Variants in ADPRH observed in about 807,000 individuals in gnomAD.
The protein encoded by ADPRH is ADP-ribose-L-arginine cleaving enzyme.
In ADPRH, 27 loss-of-function variants were observed where a neutral mutation model predicts 28.8. The ratio of observed to expected loss-of-function variants is 0.94; its 90% CI spans 0.69 to 1.29. ADPRH has a LOEUF of 1.29. Ranked by LOEUF, ADPRH falls within the 50% of genes most tolerant of loss-of-function variation. The pLI is 0.00. For missense variants in ADPRH, 419 were observed against 444.8 expected (o/e 0.94, Z 0.52); for synonymous variants, 161 against 166.9 (o/e 0.96, Z 0.27).
rs201509638 is a variant in ADPRH at position 119,586,507 on chromosome 3, C to G, written c.521C>G (p.Ala174Gly). The part of the protein sequence containing the change: ...HHPTGYLGAL[A>G]SALFTAYAVN... ...CCAACAGGCTACCTGGGGGCCCTTG[C>G]GTCTGCTCTTTTTACAGCCTATGCT... Residue 174 changes from alanine to glycine, a missense_variant, in exon 4 of 5, where the codon GCG (alanine) becomes GGG (glycine). Ala to Gly is a moderately conservative substitution (Grantham distance 60). Transcript: ENST00000357003. 6.2e-7 allele frequency: 1 copy of G among 1,614,234 alleles called. No homozygotes were observed. Among genetic ancestry groups the G allele is most frequent in the East Asian group, 2.2e-5 (1 of 44,892 alleles).
chr3:119,586,193 AAATACTTGGAGACAGAGTTTAGTT>A, intron 3 of ADPRH, 68 bp from the exon 4 acceptor site: 1 of 1,559,648 alleles, frequency 6.4e-7, no homozygotes, highest in Non-Finnish European at 8.7e-7. Flanking sequence ...TTTCCATCAA[AAATACTTGGAGACAGAGTTTAGTT>A]ATTTATTCCT....
chr3:119,582,240 G>A lies in ADPRH; in HGVS notation c.71G>A (p.Trp24Ter). 1 of 1,614,220 alleles carries A rather than the reference G, an allele frequency of 6.2e-7. No individual in the cohort carries two copies. Among genetic ancestry groups the A allele is most frequent in the Non-Finnish European group, 8.5e-7 (1 of 1,180,026 alleles). ...GDALGYYNGK[W>*]EFLQDGEKIH... Reference sequence around the variant, plus strand: ...GCCCTGGGGTACTACAATGGGAAGTGGGAGTTCCTCCAGGATGGGGAGAAG... The same window carrying A: ...GCCCTGGGGTACTACAATGGGAAGTAGGAGTTCCTCCAGGATGGGGAGAAG... Residue 24 changes from tryptophan (W) to a stop codon, truncating the protein, a stop_gained, in exon 3 of 5, where the codon TGG becomes TAG. Transcript: ENST00000357003. LOFTEE classifies it high-confidence loss of function.
intron 2 of ADPRH, among the ~76,000 whole-genome samples, chr3:119,581,611 C>T (rs2082405377): frequency 6.6e-6 from 1 of 152,164 alleles, no homozygotes; most frequent in African/African-American, 2.4e-5. Context: ...CCTTCATTTT[C>T]TTATCTGTGA....
rs777008951 is a variant in ADPRH at position 119,586,499 on chromosome 3, G to A, written c.513G>A (p.Gly171=). 1 of 1,614,216 alleles carries A rather than the reference G, an allele frequency of 6.2e-7. No homozygotes were observed. The highest frequency in any genetic ancestry group is 1.1e-5 in the South Asian group (1 of 91,082). ...MTHHHPTGYL[G]ALASALFTAY... The stretch of plus-strand genomic sequence containing the variant: ...ACCACCACCCAACAGGCTACCTGGG[G>A]GCCCTTGCGTCTGCTCTTTTTACAG... The change falls in exon 4 of 5, where the codon GGG becomes GGA. Residue 171 remains glycine, a synonymous_variant. Coordinates refer to ENST00000357003, the MANE Select transcript of ADPRH (RefSeq NM_001125.4).
intron 4 of ADPRH, among the ~76,000 whole-genome samples, chr3:119,586,943 C>T (rs1049418956): frequency 1.3e-5 from 2 of 152,226 alleles, no homozygotes; most frequent in African/African-American, 4.8e-5. Flanking sequence ...TCCTACTTTC[C>T]TGGAATTTGC....
rs777543340 is a variant in ADPRH at position 119,582,354 on chromosome 3, C to T, written c.185C>T (p.Ala62Val). Reference protein sequence around the residue: ...RVSDDTVMHLATAEALVEAGK... With the variant: ...RVSDDTVMHLVTAEALVEAGK... The stretch of plus-strand genomic sequence containing the variant: ...AGTGACGACACAGTGATGCACTTGG[C>T]CACAGCAGAAGCTCTTGTGGAAGCT... Residue 62 changes from alanine (A) to valine (V), a missense_variant, in exon 3 of 5, where the codon GCC (alanine) becomes GTC (valine). Transcript: ENST00000357003. 6.2e-7 allele frequency: 1 copy of T among 1,614,178 alleles called. No individual in the cohort carries two copies. The highest frequency in any genetic ancestry group is 1.1e-5 in the South Asian group (1 of 91,082).
At chr3:119,584,448 A>G (rs2082439407) in intron 3 of ADPRH, among the ~76,000 whole-genome samples, 1 of 152,104 alleles carries the variant, frequency 6.6e-6, no homozygotes, top group Admixed American at 6.5e-5. Flanking sequence ...CTGTAATCCC[A>G]GCTACCCAGG....
rs762491673 is a variant in ADPRH, at chr3:119,582,207, C to T, written c.38C>T (p.Ala13Val). The T allele has an allele frequency of 1.9e-6, 3 of 1,613,292 alleles. No homozygotes were observed. Among genetic ancestry groups the T allele is most frequent in the Admixed American group, 3.3e-5 (2 of 60,008 alleles). ...GTGGCTGCTATGGTGCTGAGTGCAG[C>T]TGGAGATGCCCTGGGGTACTACAAT... is the stretch of plus-strand genomic sequence containing the variant. ...KYVAAMVLSA[A>V]GDALGYYNGK... Residue 13 changes from alanine to valine, a missense_variant, in exon 3 of 5, where the codon GCT (alanine) becomes GTT (valine). Ala to Val is a moderately conservative substitution (Grantham distance 64, BLOSUM62 0). Transcript: ENST00000357003.
intron 4 of ADPRH, 65 bp downstream of exon 4, chr3:119,586,710 C>CAT (rs1553787775): frequency 6.3e-7 from 1 of 1,580,744 alleles, no homozygotes. Context: ...TCCACCTGCA[C>CAT]ATATATGTCT....
intron 3 of ADPRH, among the ~76,000 whole-genome samples, chr3:119,583,773 TA>T (rs1206336714): frequency 1.3e-5 from 2 of 151,604 alleles, no homozygotes; most frequent in Admixed American, 6.6e-5. Flanking sequence ...AGTGGCCAGT[TA>T]AAAAAAAATT....
intron 3 of ADPRH, among the ~76,000 whole-genome samples, chr3:119,583,935 G>A (rs1417929017): frequency 1.3e-5 from 2 of 151,872 alleles, no homozygotes; most frequent in African/African-American, 4.8e-5. Context: ...GCACCACCAC[G>A]TCTGGCTAAT....
In ADPRH at chr3:119,582,241, G is replaced by A. The variant is rs2082411556; in HGVS notation, c.72G>A (p.Trp24Ter). 1 of 1,614,076 alleles carries A rather than the reference G, an allele frequency of 6.2e-7. No individual in the cohort carries two copies. Among genetic ancestry groups the A allele is most frequent in the African/African-American group, 1.3e-5 (1 of 74,920 alleles). The change falls in exon 3 of 5, where the codon TGG (tryptophan) becomes TGA (stop). Residue 24 changes from tryptophan (W) to a stop codon, truncating the protein, a stop_gained. Transcript: ENST00000357003. LOFTEE classifies it high-confidence loss of function. Reference sequence around the variant, plus strand: ...CCCTGGGGTACTACAATGGGAAGTGGGAGTTCCTCCAGGATGGGGAGAAGA... The same window carrying A: ...CCCTGGGGTACTACAATGGGAAGTGAGAGTTCCTCCAGGATGGGGAGAAGA... ...GDALGYYNGK[W>*]EFLQDGEKIH...
chr3:119,580,899 C>G (rs527529470), intron 2 of ADPRH, among the ~76,000 whole-genome samples: 2 of 152,142 alleles, frequency 1.3e-5, no homozygotes, highest in South Asian at 4.2e-4. Flanking sequence ...TCTCTAGAAG[C>G]TGATCATTTC....
Position 119,587,462 on chromosome 3 carries a change from A to T in ADPRH, c.660-2A>T. Reference sequence around the variant, plus strand: ...TGACTCTAGATTTTTTCCTTTCTACAGGTCCTACTTCCAAACCAAATGGGA... The same window carrying T: ...TGACTCTAGATTTTTTCCTTTCTACTGGTCCTACTTCCAAACCAAATGGGA... On this transcript the variant is annotated splice_acceptor_variant, in intron 4 of 4. Transcript: ENST00000357003. LOFTEE classifies it high-confidence loss of function. 1 of 1,516,710 alleles carries T rather than the reference A, an allele frequency of 6.6e-7. No homozygotes were observed. The highest frequency in any genetic ancestry group is 8.8e-7 in the Non-Finnish European group (1 of 1,132,684). 94.0% of individuals were successfully genotyped at this position (1,516,710 alleles called of 1,614,324 possible).
intron 3 of ADPRH, among the ~76,000 whole-genome samples, chr3:119,584,805 A>G (rs1401362047): frequency 6.6e-6 from 1 of 152,176 alleles, no homozygotes; most frequent in Non-Finnish European, 1.5e-5. Flanking sequence ...AATCCAAGTC[A>G]AGATATTGAC....
intron 3 of ADPRH, among the ~76,000 whole-genome samples, chr3:119,585,848 C>T (rs867105864): frequency 1.3e-5 from 2 of 152,304 alleles, no homozygotes; most frequent in African/African-American, 2.4e-5. Flanking sequence ...TGCTCCCGGC[C>T]TAATTGTAAG....
intron 3 of ADPRH, among the ~76,000 whole-genome samples, chr3:119,583,312 C>T (rs2082425015): frequency 6.6e-6 from 1 of 152,080 alleles, no homozygotes; most frequent in African/African-American, 2.4e-5. Flanking sequence ...TAAAATTATT[C>T]AGGGTGACTC....
Position 119,589,858 on chromosome 3 carries a change from G to A in ADPRH, c.*1980G>A, listed in dbSNP as rs1315200923. The A allele has an allele frequency of 6.6e-6, 1 of 152,190 alleles. No individual in the cohort carries two copies. Among genetic ancestry groups the A allele is most frequent in the East Asian group, 1.9e-4 (1 of 5,192 alleles). 9.4% of individuals were successfully genotyped at this position (152,190 alleles called of 1,614,324 possible). Reference sequence around the variant, plus strand: ...TCAGAGAAAGAGAGAGAGAGAGAGAGAAGGGAGGATGAGAACGAATGGGGG... The same window carrying A: ...TCAGAGAAAGAGAGAGAGAGAGAGAAAAGGGAGGATGAGAACGAATGGGGG... On this transcript the variant is annotated 3_prime_UTR_variant, in exon 5 of 5. Transcript: ENST00000357003.
rs146666846 is a variant in ADPRH, at chr3:119,579,846, C to CG, written c.-128_-127insG. 0.021 allele frequency: 3,199 copies of CG among 152,600 alleles called. 115 individuals are homozygous for CG. The highest frequency in any genetic ancestry group is 0.073 in the African/African-American group (3,040 of 41,570). The allele number at this position is 152,600 out of a possible 1,614,324, so 9.5% of individuals were successfully genotyped here. ...CGCTCGCGCGTTCCAGTCCAGGCTA[C>CG]AGCAGGTATCGCGATCCCGGCCCTC... On this transcript the variant is annotated 5_prime_UTR_variant, in exon 1 of 5. Coordinates refer to ENST00000357003, the MANE Select transcript of ADPRH (RefSeq NM_001125.4).
Sources: allele counts gnomAD v4.1 joint callset (sites outside exome capture counted in the v4.1 genomes callset), GRCh38; gene constraint gnomAD v4.1.1; transcripts MANE v1.5; gene names NCBI Gene and HGNC (gene_info 2026-07-23, HGNC 2026-07-21).